The following ANKRD36B variants were observed in gnomAD, a reference collection of about 807,000 sequenced individuals.
The protein encoded by ANKRD36B is ankyrin repeat domain 36B.
A neutral mutation model predicts 135.7 loss-of-function variants in ANKRD36B; 37 were observed. That is an observed-to-expected ratio of 0.27 (90% confidence interval 0.21 to 0.36). The LOEUF is 0.36. ANKRD36B is among the 10% of genes least tolerant of loss of function. The probability of loss-of-function intolerance (pLI) is 1.00; values close to 1 mark genes in which losing one functional copy is unlikely to be tolerated. For synonymous variants in ANKRD36B, 179 were observed against 348.1 expected, an observed-to-expected ratio of 0.51 and a Z score of 5.41; for missense variants, 549 against 1,037.1, an observed-to-expected ratio of 0.53 and a Z score of 6.46.
At chr2:97,494,013 C>G (rs1276606447) in intron 43 of ANKRD36B, among the ~76,000 whole-genome samples, 1 of 106,588 alleles carries the variant, frequency 9.4e-6, no homozygotes, top group Non-Finnish European at 2.6e-5. Flanking sequence ...TTTGGTCGAC[C>G]ACTTAACCAA....
chr2:97,585,469 C>A, intron 1 of ANKRD36B, 71 bp from the exon 2 acceptor site: 1 of 1,490,552 alleles, frequency 6.7e-7, no homozygotes, highest in Admixed American at 2.3e-5. Flanking sequence ...TCTCTGTCTT[C>A]AAAACAAATA....
At chr2:97,578,528 C>A (rs1380644296) in intron 5 of ANKRD36B, among the ~76,000 whole-genome samples, 2 of 152,114 alleles carry the variant, frequency 1.3e-5, no homozygotes, top group East Asian at 3.9e-4. Flanking sequence ...CCCCAGTACA[C>A]AACTCAAGGT....
chr2:97,557,820 C>T (rs2080666439), intron 10 of ANKRD36B, among the ~76,000 whole-genome samples: 1 of 151,642 alleles, frequency 6.6e-6, no homozygotes, highest in Admixed American at 6.6e-5. Context: ...TAAACCTTAT[C>T]AAAAAGTATA....
chr2:97,536,148 A>G (rs1429741949), intron 34 of ANKRD36B, among the ~76,000 whole-genome samples, 152 bp downstream of exon 34: 3 of 97,378 alleles, frequency 3.1e-5, no homozygotes, highest in African/African-American at 9.2e-5. Flanking sequence ...CATTTTTGAA[A>G]ATATAAATAA....
chr2:97,548,543 A>G (rs2079718472), intron 20 of ANKRD36B, among the ~76,000 whole-genome samples: 1 of 151,946 alleles, frequency 6.6e-6, no homozygotes, highest in Non-Finnish European at 1.5e-5. Flanking sequence ...CCATTTTAGG[A>G]GTTAATTAGA....
At chr2:97,562,771 G>A (rs2081143118) in intron 6 of ANKRD36B, among the ~76,000 whole-genome samples, 1 of 151,960 alleles carries the variant, frequency 6.6e-6, no homozygotes, top group Admixed American at 6.6e-5. Context: ...TGAAGATAAG[G>A]TTTTGCTTTA....
Position 97,553,205 on chromosome 2 carries a change from T to G in ANKRD36B, c.1236A>C (p.Ile412=), listed in dbSNP as rs767502320. ...TTDEEGSVSN[I]ATEIKDGEKS... is the part of the protein sequence containing the mutation. ...TTTCTCCATCCTTTATTTCTGTGGCTATATTAGAAACAGAACCTTCCTCGT... is the reference window on the plus strand; with the variant it reads ...TTTCTCCATCCTTTATTTCTGTGGCGATATTAGAAACAGAACCTTCCTCGT... Residue 412 remains isoleucine (I), a synonymous_variant, in exon 16 of 44, where the codon ATA becomes ATC. Coordinates refer to ENST00000359901, the MANE Select transcript of ANKRD36B (RefSeq NM_001393939.1). 1.8e-5 allele frequency: 29 copies of G among 1,611,394 alleles called. No individual in the cohort carries two copies. The highest frequency in any genetic ancestry group is 2.5e-5 in the Non-Finnish European group (29 of 1,178,776).
chr2:97,562,966 C>T (rs985716310), intron 6 of ANKRD36B, among the ~76,000 whole-genome samples: 2 of 151,876 alleles, frequency 1.3e-5, no homozygotes, highest in Admixed American at 6.6e-5. Context: ...GAGTTATTAT[C>T]ATAGGCTCAG....
At chr2:97,580,252 T>A (rs2922612) in intron 4 of ANKRD36B, among the ~76,000 whole-genome samples, 2 of 137,010 alleles carry the variant, frequency 1.5e-5, no homozygotes, top group Admixed American at 7.3e-5. Flanking sequence ...TAGAGAGAGA[T>A]GAATCCTGCT....
At position 97,578,924 on chromosome 2, in the gene ANKRD36B, C is replaced by A. The variant is rs371458598; in HGVS notation, c.677G>T (p.Ser226Ile). 1.1e-5 allele frequency: 17 copies of A among 1,612,754 alleles called. No homozygotes were observed. In the African/African-American group the frequency reaches 2.1e-4, roughly 20 times the overall value. The change falls in exon 5 of 44, where the codon AGT (serine) becomes ATT (isoleucine). Residue 226 changes from serine to isoleucine, a missense_variant. Ser to Ile is a moderately radical substitution (Grantham distance 142). Coordinates refer to ENST00000359901, the MANE Select transcript of ANKRD36B (RefSeq NM_001393939.1). Reference protein sequence around the residue: ...VYGKLAEDYASEAENRVIFDL... With the variant: ...VYGKLAEDYAIEAENRVIFDL... Reference sequence around the variant, plus strand: ...GACTTACACTCTATTCTCAGCCTCACTGGCATAATCTTCTGCAAGCTTTCC... The same window carrying A: ...GACTTACACTCTATTCTCAGCCTCAATGGCATAATCTTCTGCAAGCTTTCC...
In ANKRD36B at chr2:97,585,846, A is replaced by G. The variant is rs2082942258; in HGVS notation, c.162-448T>C. The stretch of plus-strand genomic sequence containing the variant: ...AGTAAAATGATACAATCATATCTAC[A>G]TTGAGGTATCTATTAAAGATTAGAT... On this transcript the variant is annotated intron_variant, in intron 1 of 43. Transcript: ENST00000359901. 1.3e-5 allele frequency among the ~76,000 whole-genome samples: 2 copies of G among 152,242 alleles called. 1 individual carries two copies. Among genetic ancestry groups the G allele is most frequent in the South Asian group, 4.1e-4 (2 of 4,834 alleles).
chr2:97,564,274 C>T (rs1380354048), intron 6 of ANKRD36B, among the ~76,000 whole-genome samples: 1 of 152,080 alleles, frequency 6.6e-6, no homozygotes, highest in East Asian at 1.9e-4. Flanking sequence ...AAGGCTATGT[C>T]TACCAAAGAG....
At chr2:97,550,366 A>C (rs1373088192) in intron 18 of ANKRD36B, among the ~76,000 whole-genome samples, 1 of 151,890 alleles carries the variant, frequency 6.6e-6, no homozygotes, top group Non-Finnish European at 1.5e-5. Context: ...CAAGCATTAG[A>C]TATTGATGTT....
At chr2:97,536,584 C>G in intron 32 of ANKRD36B, 88 bp from the exon 33 acceptor site, 1 of 564,306 alleles carries the variant, frequency 1.8e-6, no homozygotes, top group Non-Finnish European at 3.1e-6. Flanking sequence ...ACTGAATACT[C>G]TTGCCTGTAT....
At chr2:97,547,842 G>T in intron 20 of ANKRD36B, 111 bp from the exon 21 acceptor site, 1 of 1,433,510 alleles carries the variant, frequency 7.0e-7, no homozygotes, top group Non-Finnish European at 9.6e-7. Context: ...ATTAGCATAG[G>T]CTTTGATGGC....
intron 12 of ANKRD36B, among the ~76,000 whole-genome samples, chr2:97,556,446 T>C (rs1161879213): frequency 1.3e-5 from 2 of 151,866 alleles, no homozygotes; most frequent in African/African-American, 4.8e-5. Context: ...AAATAACTTC[T>C]TCCTTCCCCT....
chr2:97,549,026 C>G (rs1267906063), intron 20 of ANKRD36B, among the ~76,000 whole-genome samples: 3 of 151,860 alleles, frequency 2.0e-5, no homozygotes, highest in Admixed American at 1.3e-4. Flanking sequence ...GTTATTACAA[C>G]AAGTTTGCTG....
At chr2:97,525,865 T>C (rs1370503266) in intron 35 of ANKRD36B, among the ~76,000 whole-genome samples, 1 of 97,876 alleles carries the variant, frequency 1.0e-5, no homozygotes, top group African/African-American at 3.1e-5. Flanking sequence ...GCGCCTGCCA[T>C]TGCCCAGGCT....
chr2:97,552,343 G>A (rs2080140997), intron 16 of ANKRD36B, among the ~76,000 whole-genome samples: 1 of 151,914 alleles, frequency 6.6e-6, no homozygotes, highest in South Asian at 2.1e-4. Flanking sequence ...CTTCTTGGGA[G>A]TATCATGTTA....
Sources: gnomAD v4.1 joint callset for allele counts (sites outside exome capture counted in the v4.1 genomes callset) on GRCh38, gnomAD v4.1.1 for gene constraint, MANE v1.5 for transcripts, NCBI Gene and HGNC (gene_info 2026-07-23, HGNC 2026-07-21) for gene names.